The following ZSWIM8 variants were observed in gnomAD, a reference collection of about 807,000 sequenced individuals.
ZSWIM8 encodes zinc finger SWIM domain-containing protein 8.
ZSWIM8 carries 27 observed loss-of-function variants against 173.7 expected under a neutral mutation model. The ratio of observed to expected loss-of-function variants is 0.16; its 90% CI spans 0.11 to 0.21. The LOEUF (loss-of-function observed/expected upper bound fraction) is 0.21, where lower values mean the gene tolerates loss of function less well. Among genes scored for constraint, ZSWIM8 ranks in the 10% least tolerant of loss-of-function variants. ZSWIM8 has a pLI of 1.00. For missense variants in ZSWIM8, 1,627 were observed against 2,428.8 expected, an observed-to-expected ratio of 0.67 and a Z score of 6.94; for synonymous variants, 958 against 962.0, an observed-to-expected ratio of 1.00 and a Z score of 0.08.
rs763526956 is a variant in ZSWIM8, at chr10:73,801,091, G to A, written c.5197G>A (p.Val1733Ile). Reference protein sequence around the residue: ...VLSPFVLQEIVMETLQRLSPA... With the variant: ...VLSPFVLQEIIMETLQRLSPA... ...GAGCCCGTTTGTGCTGCAGGAGATC[G>A]TCATGGAGACGCTGCAGCGGCTGAG... is the stretch of plus-strand genomic sequence containing the variant. Residue 1733 changes from valine (V) to isoleucine (I), a missense_variant, in exon 25 of 26, where the codon GTC becomes ATC. By Grantham distance (29) the Val-to-Ile change is conservative. Coordinates refer to ENST00000604729, the MANE Select transcript of ZSWIM8 (RefSeq NM_001367799.1). This position sits in a 1 kb window ranked among gnomAD's most constrained non-coding sequence, Gnocchi z 4.9. The A allele has an allele frequency of 1.2e-5, 19 of 1,571,600 alleles. No homozygotes were observed. Among genetic ancestry groups the A allele is most frequent in the Non-Finnish European group, 1.4e-5 (16 of 1,158,914 alleles).
chr10:73,800,783 C>T lies in ZSWIM8; in HGVS notation c.5122+24C>T. Reference sequence around the variant, plus strand: ...GGGTAACACCTCCCCTCCCTAGGACCATTGCCCCCCCCCCACCTGCTCTCC... The same window carrying T: ...GGGTAACACCTCCCCTCCCTAGGACTATTGCCCCCCCCCCACCTGCTCTCC... On this transcript the variant is annotated intron_variant, in intron 24 of 25. Coordinates refer to ENST00000604729, the MANE Select transcript of ZSWIM8 (RefSeq NM_001367799.1). This position sits in a 1 kb window ranked among gnomAD's most constrained non-coding sequence, Gnocchi z 4.1. The T allele has an allele frequency of 1.3e-6, 2 of 1,537,472 alleles. No homozygotes were observed. The highest frequency in any genetic ancestry group is 1.8e-6 in the Non-Finnish European group (2 of 1,129,498).
chr10:73,799,413 C>G lies in ZSWIM8; in HGVS notation c.4588C>G (p.Pro1530Ala), dbSNP rs569303277. 8 of 1,610,576 alleles carry G rather than the reference C, an allele frequency of 5.0e-6. No individual in the cohort carries two copies. In the East Asian group the frequency reaches 1.8e-4, roughly 36 times the overall value. ...LPCSPQYLTH[P>A]AHPAHPMPHM... The stretch of plus-strand genomic sequence containing the variant: ...CTGTAGCCCTCAGTATCTCACTCAC[C>G]CAGCTCACCCTGCCCACCCCATGCC... The change falls in exon 21 of 26, where the codon CCA (proline) becomes GCA (alanine). Residue 1530 changes from proline to alanine, a missense_variant. Coordinates refer to ENST00000604729, the MANE Select transcript of ZSWIM8 (RefSeq NM_001367799.1).
Position 73,800,546 on chromosome 10 carries a change from TCTTCATTTGTTTA to T in ZSWIM8, c.5002+77_5003-79del. 6 of 1,602,856 alleles carry T rather than the reference TCTTCATTTGTTTA, an allele frequency of 3.7e-6. No homozygotes were observed. Among genetic ancestry groups the T allele is most frequent in the Non-Finnish European group, 5.1e-6 (6 of 1,173,408 alleles). ...CTCTTCAGAGGACCCTTCCTCTAGCTCTTCATTTGTTTACTGTGGGGTCAGGTGACAGGTTGGG... is the reference window on the plus strand; with the variant it reads ...CTCTTCAGAGGACCCTTCCTCTAGCTCTGTGGGGTCAGGTGACAGGTTGGG... On this transcript the variant is annotated intron_variant, in intron 23 of 25. Transcript: ENST00000604729. The surrounding 1 kb of genome is among the most constrained non-coding windows in gnomAD (Gnocchi z 4.1).
At position 73,801,264 on chromosome 10, in the gene ZSWIM8, G is replaced by A. The variant is rs1191599278; in HGVS notation, c.5302-52G>A. On this transcript the variant is annotated intron_variant, in intron 25 of 25. Transcript: ENST00000604729. This position sits in a 1 kb window ranked among gnomAD's most constrained non-coding sequence, Gnocchi z 4.9. ...TGGTCTTGGACCAGAGGGAGGCAGG[G>A]CCTGTTTCTGTGCTTTGTACTAAGG... 4.4e-6 allele frequency: 7 copies of A among 1,605,446 alleles called. No individual in the cohort carries two copies. In the Admixed American group the frequency reaches 8.4e-5, roughly 19 times the overall value.
intron 19 of ZSWIM8, 63 bp from the exon 20 acceptor site, chr10:73,798,167 T>A: frequency 6.3e-7 from 1 of 1,597,396 alleles, no homozygotes; most frequent in Non-Finnish European, 8.6e-7. Context: ...AAAAAGACAT[T>A]ATTCTCACAC....
At chr10:73,786,116 G>A (rs747127199) in intron 1 of ZSWIM8, 30 bp downstream of exon 1, 6 of 1,515,830 alleles carry the variant, frequency 4.0e-6, no homozygotes, top group Non-Finnish European at 5.3e-6. Context: ...AAGAGGAGCG[G>A]CAGGCCCTGC....
In ZSWIM8 at chr10:73,800,248, G is replaced by A. The variant is rs958046238; in HGVS notation, c.4826-48G>A. 1 of 1,611,396 alleles carries A rather than the reference G, an allele frequency of 6.2e-7. No homozygotes were observed. Among genetic ancestry groups the A allele is most frequent in the East Asian group, 2.2e-5 (1 of 44,838 alleles). On this transcript the variant is annotated intron_variant, in intron 22 of 25. Coordinates refer to ENST00000604729, the MANE Select transcript of ZSWIM8 (RefSeq NM_001367799.1). The surrounding 1 kb of genome is among the most constrained non-coding windows in gnomAD (Gnocchi z 4.1). ...GGGAGGTGGGGAGGGAATGTTCTTT[G>A]TCTCTCTTTGGGCTCTGAGTTCCTC...
At chr10:73,799,972 C>G in intron 21 of ZSWIM8, 39 bp from the exon 22 acceptor site, 1 of 1,598,904 alleles carries the variant, frequency 6.3e-7, no homozygotes, top group South Asian at 1.1e-5. Flanking sequence ...ACATCCTAAT[C>G]AAGTTTGGCA....
Position 73,801,711 on chromosome 10 carries a change from A to G in ZSWIM8, c.*192A>G. ...CCCTAGAAGCCTAGGGCTGGGGGAG[A>G]CAGCCCTGTCTGGGAGGGGGCGTTG... On this transcript the variant is annotated 3_prime_UTR_variant, in exon 26 of 26. Coordinates refer to ENST00000604729, the MANE Select transcript of ZSWIM8 (RefSeq NM_001367799.1). This position sits in a 1 kb window ranked among gnomAD's most constrained non-coding sequence, Gnocchi z 4.9. The G allele has an allele frequency of 3.3e-6, 5 of 1,532,454 alleles. No homozygotes were observed. The Admixed American group carries it at 9.8e-5, about 30-fold the overall frequency. The allele number at this position is 1,532,454 out of a possible 1,614,324, so 94.9% of individuals were successfully genotyped here.
At position 73,801,051 on chromosome 10, in the gene ZSWIM8, A is replaced by T; in HGVS notation, c.5157A>T (p.Ala1719=). Residue 1719 remains alanine (A), a synonymous_variant, in exon 25 of 26, where the codon GCA becomes GCT. Coordinates refer to ENST00000604729, the MANE Select transcript of ZSWIM8 (RefSeq NM_001367799.1). This position sits in a 1 kb window ranked among gnomAD's most constrained non-coding sequence, Gnocchi z 4.9. ...ACGTGCACCAGTTCTGTGTGGGGGC[A>T]GCCAAGGGGGTGCTGAGCCCGTTTG... ...VNYVHQFCVG[A]AKGVLSPFVL... 1 of 1,556,664 alleles carries T rather than the reference A, an allele frequency of 6.4e-7. No homozygotes were observed. The highest frequency in any genetic ancestry group is 8.7e-7 in the Non-Finnish European group (1 of 1,150,254).
intron 15 of ZSWIM8, among the ~76,000 whole-genome samples, chr10:73,796,165 A>G (rs556334943): frequency 1.4e-4 from 21 of 151,584 alleles, no homozygotes; most frequent in African/African-American, 5.1e-4. Context: ...CCTGGCCAAC[A>G]TAGTGAGACC....
chr10:73,798,357 G>A lies in ZSWIM8; in HGVS notation c.4080G>A (p.Val1360=), dbSNP rs1192481185. ...CACGGGCAAGAGACTCCAATATGGTGAGGGCGGCAGCAGAGCTGGCCCTGA... is the reference window on the plus strand; with the variant it reads ...CACGGGCAAGAGACTCCAATATGGTAAGGGCGGCAGCAGAGCTGGCCCTGA... ...RASRARDSNM[V]RAAAELALSC... The change falls in exon 20 of 26, where the codon GTG becomes GTA. Residue 1360 remains valine (V), a synonymous_variant. Coordinates refer to ENST00000604729, the MANE Select transcript of ZSWIM8 (RefSeq NM_001367799.1). 1 of 1,613,938 alleles carries A rather than the reference G, an allele frequency of 6.2e-7. No individual in the cohort carries two copies. The highest frequency in any genetic ancestry group is 8.5e-7 in the Non-Finnish European group (1 of 1,179,906).
At position 73,792,249 on chromosome 10, in the gene ZSWIM8, G is replaced by A. The variant is rs1169641600; in HGVS notation, c.1710G>A (p.Gly570=). 1 of 1,575,058 alleles carries A rather than the reference G, an allele frequency of 6.3e-7. No individual in the cohort carries two copies. The highest frequency in any genetic ancestry group is 8.6e-7 in the Non-Finnish European group (1 of 1,159,166). Residue 570 remains glycine (G), a synonymous_variant, in exon 10 of 26, where the codon GGG becomes GGA. Coordinates refer to ENST00000604729, the MANE Select transcript of ZSWIM8 (RefSeq NM_001367799.1). This position sits in a 1 kb window ranked among gnomAD's most constrained non-coding sequence, Gnocchi z 4.3. ...QRGPRRLSAE[G]GDKALHKMGP... The stretch of plus-strand genomic sequence containing the variant: ...GTCCCCGCCGCCTCTCAGCTGAAGG[G>A]GGAGATAAAGCTCTACATAAGATGG...
chr10:73,799,417 C>T lies in ZSWIM8; in HGVS notation c.4592C>T (p.Ala1531Val). ...AGCCCTCAGTATCTCACTCACCCAG[C>T]TCACCCTGCCCACCCCATGCCTCAC... ...PCSPQYLTHP[A>V]HPAHPMPHMP... Residue 1531 changes from alanine to valine, a missense_variant, in exon 21 of 26, where the codon GCT becomes GTT. Transcript: ENST00000604729. 6.2e-7 allele frequency: 1 copy of T among 1,610,258 alleles called. No individual in the cohort carries two copies. The highest frequency in any genetic ancestry group is 8.5e-7 in the Non-Finnish European group (1 of 1,178,406).
chr10:73,801,356 A>G lies in ZSWIM8; in HGVS notation c.5342A>G (p.Tyr1781Cys). Residue 1781 changes from tyrosine to cysteine, a missense_variant, in exon 26 of 26, where the codon TAC becomes TGC. Physicochemically the swap from Tyr to Cys is radical, Grantham distance 194. This residue lies in a region of ZSWIM8 where 122 missense variants were observed against 196.1 expected (regional missense o/e 0.62). Coordinates refer to ENST00000604729, the MANE Select transcript of ZSWIM8 (RefSeq NM_001367799.1). This position sits in a 1 kb window ranked among gnomAD's most constrained non-coding sequence, Gnocchi z 4.9. Reference protein sequence around the residue: ...HRLIHLTPADYDDFVNAIRSA... With the variant: ...HRLIHLTPADCDDFVNAIRSA... ...TTGATTCACCTGACTCCTGCGGACT[A>G]CGACGACTTTGTGAATGCGATCCGG... is the stretch of plus-strand genomic sequence containing the variant. The G allele has an allele frequency of 6.2e-7, 1 of 1,613,960 alleles. No homozygotes were observed. The highest frequency in any genetic ancestry group is 8.5e-7 in the Non-Finnish European group (1 of 1,179,864).
chr10:73,790,130 C>T, intron 6 of ZSWIM8, 42 bp from the exon 7 acceptor site: 33 of 1,610,912 alleles, frequency 2.0e-5, no homozygotes, highest in Non-Finnish European at 2.7e-5. Flanking sequence ...CAGGCAAATC[C>T]AGGCCCCTAT....
chr10:73,790,239 C>T lies in ZSWIM8; in HGVS notation c.888C>T (p.Asp296=), dbSNP rs768883972. 3.7e-6 allele frequency: 6 copies of T among 1,613,668 alleles called. No homozygotes were observed. In the Admixed American group the frequency reaches 8.3e-5, roughly 22 times the overall value. The change falls in exon 7 of 26, where the codon GAC becomes GAT. Residue 296 remains aspartate (D), a synonymous_variant. Transcript: ENST00000604729. ...TWYLDESTLT[D]NIKKTLHKFC... is the part of the protein sequence containing the mutation. ...ATCTGGATGAATCGACACTCACTGA[C>T]AACATCAAAAAGACACTGCACAAGT...
At position 73,796,990 on chromosome 10, in the gene ZSWIM8, G is replaced by A. The variant is rs750967312; in HGVS notation, c.3250G>A (p.Gly1084Ser). Residue 1084 changes from glycine to serine, a missense_variant, in exon 16 of 26, where the codon GGC becomes AGC. Physicochemically the swap from Gly to Ser is moderately conservative, Grantham distance 56. This residue lies in a region of ZSWIM8 where 163 missense variants were observed against 193.2 expected (regional missense o/e 0.84). Transcript: ENST00000604729. ...AGGGGCTGGGCCAGGCCCCACTGAGGGCTTCACAGAGAAGAATGTGCCTGG... is the reference window on the plus strand; with the variant it reads ...AGGGGCTGGGCCAGGCCCCACTGAGAGCTTCACAGAGAAGAATGTGCCTGG... ...VAGAGPGPTE[G>S]FTEKNVPESS... 1.2e-6 allele frequency: 2 copies of A among 1,611,930 alleles called. No individual in the cohort carries two copies. Among genetic ancestry groups the A allele is most frequent in the Admixed American group, 3.3e-5 (2 of 59,860 alleles).
chr10:73,792,100 T>C lies in ZSWIM8; in HGVS notation c.1561T>C (p.Ser521Pro), dbSNP rs1411914642. The C allele has an allele frequency of 1.3e-6, 2 of 1,532,866 alleles. No homozygotes were observed. Among genetic ancestry groups the C allele is most frequent in the Non-Finnish European group, 1.8e-6 (2 of 1,134,846 alleles). The allele number at this position is 1,532,866 out of a possible 1,614,324, so 95.0% of individuals were successfully genotyped here. ...ALPSRPGASR[S>P]GGLEESRDRP... is the part of the protein sequence containing the mutation. ...GCCCTCTCGGCCAGGTGCCTCCCGC[T>C]CTGGGGGCCTGGAGGAATCCCGGGA... The change falls in exon 10 of 26, where the codon TCT (serine) becomes CCT (proline). Residue 521 changes from serine to proline, a missense_variant. Ser to Pro is a moderately conservative substitution (Grantham distance 74). Transcript: ENST00000604729. The surrounding 1 kb of genome is among the most constrained non-coding windows in gnomAD (Gnocchi z 4.3).
Sources: gnomAD v4.1 joint callset for allele counts (sites outside exome capture counted in the v4.1 genomes callset) on GRCh38, gnomAD v4.1.1 for gene constraint, gnomAD v4.1.1 regional missense constraint, Gnocchi (gnomAD v3.1) non-coding constraint, MANE v1.5 for transcripts, NCBI Gene and HGNC (gene_info 2026-07-23, HGNC 2026-07-21) for gene names.